Variants in C3orf70 observed in about 807,000 individuals in gnomAD.
C3orf70 encodes chromosome 3 open reading frame 70, also known as UPF0524 protein C3orf70.
In C3orf70, 15 loss-of-function variants were observed where a neutral mutation model predicts 20.7. The observed-to-expected ratio is 0.72, with a 90% CI of 0.48 to 1.11. C3orf70 has a LOEUF of 1.11. Ranked by LOEUF, C3orf70 falls within the 50% of genes most tolerant of loss-of-function variation. C3orf70 has a pLI of 0.00. For missense variants in C3orf70, 332 were observed against 317.6 expected, an observed-to-expected ratio of 1.05 and a Z score of -0.34; for synonymous variants, 161 against 125.7, an observed-to-expected ratio of 1.28 and a Z score of -1.88.
chr3:185,141,349 C>T (rs1716746267), intron 1 of C3orf70, among the ~76,000 whole-genome samples: 1 of 146,808 alleles, frequency 6.8e-6, no homozygotes, highest in Admixed American at 7.2e-5. Context: ...AACAGTTTGG[C>T]AGTTTCTTAA....
At chr3:185,094,203 G>A (rs555200916) in intron 1 of C3orf70, among the ~76,000 whole-genome samples, 2 of 147,314 alleles carry the variant, frequency 1.4e-5, no homozygotes, top group African/African-American at 5.0e-5. Flanking sequence ...TCAGCCTCCT[G>A]AGTAGCTGGG....
chr3:185,106,743 T>A (rs1715951139), intron 1 of C3orf70, among the ~76,000 whole-genome samples: 1 of 152,258 alleles, frequency 6.6e-6, no homozygotes, highest in African/African-American at 2.4e-5. Context: ...GTGAGCCTTC[T>A]GCCTGGGGAA....
At chr3:185,147,872 T>C (rs984387181) in intron 1 of C3orf70, among the ~76,000 whole-genome samples, 2 of 152,240 alleles carry the variant, frequency 1.3e-5, no homozygotes, top group Admixed American at 6.5e-5. Flanking sequence ...TTCTCCATAA[T>C]AATGAAAATC....
At chr3:185,145,300 C>T (rs1412409566) in intron 1 of C3orf70, among the ~76,000 whole-genome samples, 2 of 152,236 alleles carry the variant, frequency 1.3e-5, no homozygotes, top group African/African-American at 2.4e-5. Flanking sequence ...CTAAGTTCAA[C>T]AGGCTTGGAA....
At chr3:185,109,398 CT>C (rs1337679045) in intron 1 of C3orf70, among the ~76,000 whole-genome samples, 1 of 152,198 alleles carries the variant, frequency 6.6e-6, no homozygotes, top group African/African-American at 2.4e-5. Flanking sequence ...ACACCTGAAA[CT>C]TTATCATGAG....
At chr3:185,089,988 G>C (rs1380490959) in intron 1 of C3orf70, among the ~76,000 whole-genome samples, 1 of 152,084 alleles carries the variant, frequency 6.6e-6, no homozygotes, top group Non-Finnish European at 1.5e-5. Flanking sequence ...TTCTCATCCT[G>C]GCTCTTTGGT....
chr3:185,095,904 T>G (rs911255522), intron 1 of C3orf70, among the ~76,000 whole-genome samples: 2 of 152,052 alleles, frequency 1.3e-5, no homozygotes, highest in African/African-American at 4.8e-5. Flanking sequence ...TCTTGGCTAA[T>G]TTTTTGCATT....
chr3:185,097,721 A>AG (rs1157412341), intron 1 of C3orf70, among the ~76,000 whole-genome samples: 1 of 152,202 alleles, frequency 6.6e-6, no homozygotes, highest in South Asian at 2.1e-4. Flanking sequence ...ACAGGGAGGA[A>AG]GCACCCCTGC....
intron 1 of C3orf70, among the ~76,000 whole-genome samples, chr3:185,120,688 C>T (rs1173062263): frequency 6.7e-5 from 10 of 149,758 alleles, no homozygotes; most frequent in South Asian, 4.2e-4. Flanking sequence ...CACCTCACTC[C>T]GGCATGAACG....
At chr3:185,090,491 G>A (rs963980167) in intron 1 of C3orf70, among the ~76,000 whole-genome samples, 1 of 152,068 alleles carries the variant, frequency 6.6e-6, no homozygotes, top group Non-Finnish European at 1.5e-5. Flanking sequence ...CTCAGGGAAT[G>A]CAAAGTAATT....
rs2108582573 is a variant in C3orf70, at chr3:185,076,939, G to A, written c.*6068C>T. Among the ~76,000 whole-genome samples the A allele has an allele frequency of 6.6e-6, 1 of 152,312 alleles. No homozygotes were observed. Among genetic ancestry groups the A allele is most frequent in the South Asian group, 2.1e-4 (1 of 4,824 alleles). ...CTTCTAGGACTTGGCAATACAATTA[G>A]GTAGAGAGTTAAAACAGTAGAGTGC... is the stretch of plus-strand genomic sequence containing the variant. On this transcript the variant is annotated 3_prime_UTR_variant, in exon 2 of 2. Coordinates refer to ENST00000335012, the MANE Select transcript of C3orf70 (RefSeq NM_001025266.3).
At chr3:185,086,338 C>A (rs924130987) in intron 1 of C3orf70, among the ~76,000 whole-genome samples, 1 of 152,036 alleles carries the variant, frequency 6.6e-6, no homozygotes, top group Non-Finnish European at 1.5e-5. Context: ...TGTTTGTATC[C>A]CCACGAACTT....
chr3:185,120,714 T>TAAAAAA (rs565950615), intron 1 of C3orf70, among the ~76,000 whole-genome samples: 3 of 72,770 alleles, frequency 4.1e-5, no homozygotes, highest in African/African-American at 8.8e-5. Flanking sequence ...AATCCAAAAC[T>TAAAAAA]AAAAAAAAAA....
chr3:185,130,314 T>A (rs1716499961), intron 1 of C3orf70, among the ~76,000 whole-genome samples: 1 of 151,920 alleles, frequency 6.6e-6, no homozygotes, highest in South Asian at 2.1e-4. Flanking sequence ...ATTAGCCAGG[T>A]GTGGTGGTGG....
chr3:185,084,755 C>T (rs1361447226), intron 1 of C3orf70, among the ~76,000 whole-genome samples: 2 of 152,130 alleles, frequency 1.3e-5, no homozygotes, highest in Non-Finnish European at 2.9e-5. Context: ...GCAAAGCCTC[C>T]CACACGCTAA....
At position 185,152,737 on chromosome 3, in the gene C3orf70, G is replaced by A. The variant is rs1429917779; in HGVS notation, c.87C>T (p.Ala29=). The part of the protein sequence containing the change: ...DEAQALARSC[A]ARRPDFQPCD... ...ACGGCTGGAAGTCGGGTCTGCGGGCGGCGCAACTCCGCGCCAGGGCCTGAG... is the reference window on the plus strand; with the variant it reads ...ACGGCTGGAAGTCGGGTCTGCGGGCAGCGCAACTCCGCGCCAGGGCCTGAG... The change falls in exon 1 of 2, where the codon GCC becomes GCT. Residue 29 remains alanine, a synonymous_variant. Coordinates refer to ENST00000335012, the MANE Select transcript of C3orf70 (RefSeq NM_001025266.3). 5 of 1,593,800 alleles carry A rather than the reference G, an allele frequency of 3.1e-6. No homozygotes were observed. The highest frequency in any genetic ancestry group is 2.4e-5 in the East Asian group (1 of 42,174).
rs115616870 is a variant in C3orf70, at chr3:185,085,906, G to A, written c.197-2343C>T. Among the ~76,000 whole-genome samples, 1,481 of 152,268 alleles carry A rather than the reference G, an allele frequency of 9.7e-3. 24 individuals are homozygous for A. Among genetic ancestry groups the A allele is most frequent in the African/African-American group, 0.035 (1,441 of 41,560 alleles). On this transcript the variant is annotated intron_variant, in intron 1 of 1. Coordinates refer to ENST00000335012, the MANE Select transcript of C3orf70 (RefSeq NM_001025266.3). Reference sequence around the variant, plus strand: ...CTGTCCACAGAGTGGTAAATAAAACGCGGAATGAAGGTTTCGTCTTTTTCA... The same window carrying A: ...CTGTCCACAGAGTGGTAAATAAAACACGGAATGAAGGTTTCGTCTTTTTCA...
chr3:185,085,457 G>T (rs1715440159), intron 1 of C3orf70, among the ~76,000 whole-genome samples: 1 of 152,072 alleles, frequency 6.6e-6, no homozygotes, highest in Admixed American at 6.5e-5. Flanking sequence ...ACTCTAAAAA[G>T]ACCTTCATTT....
At chr3:185,083,805 ATC>A (rs1464821318) in intron 1 of C3orf70, among the ~76,000 whole-genome samples, 4 of 152,246 alleles carry the variant, frequency 2.6e-5, no homozygotes, top group African/African-American at 9.6e-5. Context: ...TCTTTCTGAT[ATC>A]TCTGAAGTAG....
Sources: gnomAD v4.1 joint callset for allele counts (sites outside exome capture counted in the v4.1 genomes callset) on GRCh38, gnomAD v4.1.1 for gene constraint, MANE v1.5 for transcripts, NCBI Gene and HGNC (gene_info 2026-07-23, HGNC 2026-07-21) for gene names.